EIF3M: variants seen among roughly 807,000 people sequenced by gnomAD.
EIF3M encodes the protein eukaryotic translation initiation factor 3 subunit M, also known as B5 receptor.
In EIF3M, 25 loss-of-function variants were observed where a neutral mutation model predicts 49.7. That is an observed-to-expected ratio of 0.50 (90% CI 0.37 to 0.70). The LOEUF is 0.70. EIF3M is among the 30% of genes least tolerant of loss of function. EIF3M has a pLI of 0.00. For missense variants in EIF3M, 350 were observed against 440.0 expected (o/e 0.80, Z 1.83); for synonymous variants, 156 against 149.8 (o/e 1.04, Z -0.30).
intron 9 of EIF3M, 44 bp downstream of exon 9, chr11:32,600,876 TCTA>T (rs1208097635): frequency 2.4e-5 from 38 of 1,558,778 alleles, no homozygotes; most frequent in Non-Finnish European, 3.3e-5. Flanking sequence ...GAATTTCTCA[TCTA>T]CTACATGGAT....
In EIF3M at chr11:32,589,564, T is replaced by C. The variant is rs1029261495; in HGVS notation, c.456T>C (p.Ser152=). Residue 152 remains serine, a synonymous_variant, in exon 5 of 11, where the codon TCT becomes TCC. Coordinates refer to ENST00000531120, the MANE Select transcript of EIF3M (RefSeq NM_006360.6). The stretch of plus-strand genomic sequence containing the variant: ...TCTTGTAGGTTAGAAAATGGATTTC[T>C]GACTGGAATCTCACCACTGAAAAAA... ...TELDQVRKWI[S]DWNLTTEKKH... is the part of the protein sequence containing the mutation. 6.2e-7 allele frequency: 1 copy of C among 1,614,194 alleles called. No homozygotes were observed. Among genetic ancestry groups the C allele is most frequent in the African/African-American group, 1.3e-5 (1 of 75,078 alleles).
chr11:32,598,355 T>C (rs903379930), intron 8 of EIF3M, among the ~76,000 whole-genome samples: 4 of 152,204 alleles, frequency 2.6e-5, no homozygotes, highest in Admixed American at 6.5e-5. Context: ...TTTTGACATA[T>C]TAGTAATGAA....
At chr11:32,586,787 C>T (rs969894528) in intron 1 of EIF3M, 1 of 369,684 alleles carries the variant, frequency 2.7e-6, no homozygotes, top group Non-Finnish European at 4.8e-6. Context: ...TGAAGGTGAT[C>T]CATGGGGGCT....
intron 5 of EIF3M, 120 bp from the exon 6 acceptor site, chr11:32,593,746 A>G: frequency 3.6e-6 from 2 of 560,898 alleles, no homozygotes; most frequent in Non-Finnish European, 5.6e-6. Context: ...ATAGACAGGG[A>G]CTTTGTCTCT....
intron 1 of EIF3M, among the ~76,000 whole-genome samples, chr11:32,585,833 T>C (rs1036305145): frequency 9.7e-6 from 1 of 102,962 alleles, no homozygotes; most frequent in Non-Finnish European, 2.0e-5. Context: ...AAAATCTTGA[T>C]GGCTTTGAAT....
intron 5 of EIF3M, chr11:32,592,361 C>T: frequency 1.8e-6 from 1 of 552,684 alleles, no homozygotes; most frequent in South Asian, 1.4e-5. Flanking sequence ...CTCTGCCAGT[C>T]CTCCTGTAAC....
chr11:32,586,236 T>TC (rs1854995467), intron 1 of EIF3M, among the ~76,000 whole-genome samples: 1 of 151,098 alleles, frequency 6.6e-6, no homozygotes, highest in South Asian at 2.1e-4. Flanking sequence ...AGAGTGAAAC[T>TC]CCATCTCAAA....
intron 8 of EIF3M, among the ~76,000 whole-genome samples, chr11:32,598,301 C>T (rs1311703247): frequency 1.3e-5 from 2 of 152,146 alleles, no homozygotes; most frequent in Admixed American, 1.3e-4. Flanking sequence ...AGTGACAATG[C>T]AGAAATTGCT....
intron 8 of EIF3M, among the ~76,000 whole-genome samples, chr11:32,596,365 G>A (rs1454956282): frequency 6.6e-6 from 1 of 152,138 alleles, no homozygotes; most frequent in Non-Finnish European, 1.5e-5. Context: ...GCCGAGGCGG[G>A]CGGATCACGA....
At chr11:32,599,349 G>T (rs1205967072) in intron 8 of EIF3M, among the ~76,000 whole-genome samples, 1 of 151,922 alleles carries the variant, frequency 6.6e-6, no homozygotes, top group Non-Finnish European at 1.5e-5. Flanking sequence ...ATACTTCCTT[G>T]TATACCTCAT....
At position 32,594,905 on chromosome 11, in the gene EIF3M, C is replaced by T; in HGVS notation, c.618-9C>T. 6.2e-7 allele frequency: 1 copy of T among 1,600,440 alleles called. No homozygotes were observed. Among genetic ancestry groups the T allele is most frequent in the Non-Finnish European group, 8.5e-7 (1 of 1,175,272 alleles). The stretch of plus-strand genomic sequence containing the variant: ...AACCCTGAGCTTACATTTTTGTTCT[C>T]TAATTAAGGTGTATTGTACGAGCAT... On this transcript the variant is annotated splice_polypyrimidine_tract_variant and intron_variant, in intron 6 of 10. Coordinates refer to ENST00000531120, the MANE Select transcript of EIF3M (RefSeq NM_006360.6).
At chr11:32,602,035 G>T (rs1187366314) in intron 10 of EIF3M, 5 of 834,608 alleles carry the variant, frequency 6.0e-6, no homozygotes, top group Non-Finnish European at 9.5e-6. Context: ...TAATGGCTGA[G>T]CATTGGCTAG....
At chr11:32,594,194 A>T in intron 6 of EIF3M, 1 of 316,152 alleles carries the variant, frequency 3.2e-6, no homozygotes, top group Non-Finnish European at 5.7e-6. Context: ...TGGTATGGGG[A>T]TGATGATCCC....
At chr11:32,601,577 A>G (rs1342287031) in intron 9 of EIF3M, 185 bp from the exon 10 acceptor site, 2 of 498,624 alleles carry the variant, frequency 4.0e-6, no homozygotes, top group African/African-American at 3.9e-5. Flanking sequence ...CAGCAGCCAT[A>G]GGACAAATGC....
In EIF3M at chr11:32,589,640, A is replaced by T. The variant is rs1425131666; in HGVS notation, c.532A>T (p.Ser178Cys). The T allele has an allele frequency of 1.2e-6, 2 of 1,613,546 alleles. No homozygotes were observed. The highest frequency in any genetic ancestry group is 8.5e-7 in the Non-Finnish European group (1 of 1,179,698). The part of the protein sequence containing the change: ...LYEALVDCKK[S>C]DAASKVMVEL... ...TGAGGCACTTGTGGATTGTAAGAAG[A>T]GGTATTCAAAAGTAATGAACTAACA... is the stretch of plus-strand genomic sequence containing the variant. Residue 178 changes from serine to cysteine, a missense_variant and splice_region_variant, in exon 5 of 11, where the codon AGT becomes TGT. Ser to Cys is a moderately radical substitution (Grantham distance 112, BLOSUM62 -1). Transcript: ENST00000531120.
At chr11:32,600,610 A>G (rs563006123) in intron 8 of EIF3M, 79 bp from the exon 9 acceptor site, 1 of 1,378,780 alleles carries the variant, frequency 7.3e-7, no homozygotes, top group African/African-American at 1.5e-5. Flanking sequence ...AATAATTTCC[A>G]CAGCTTAACA....
rs1855237955 is a variant in EIF3M, at chr11:32,600,103, G to T, written c.800-586G>T. On this transcript the variant is annotated intron_variant, in intron 8 of 10. Coordinates refer to ENST00000531120, the MANE Select transcript of EIF3M (RefSeq NM_006360.6). ...CTGTATTGGCCTATAAATGTTAAAT[G>T]ACACACACACTTTGACAGTTTTGGT... 2.0e-5 allele frequency among the ~76,000 whole-genome samples: 3 copies of T among 151,774 alleles called. No individual in the cohort carries two copies. The South Asian group carries it at 6.2e-4, about 31-fold the overall frequency.
At position 32,583,870 on chromosome 11, in the gene EIF3M, T is replaced by G; in HGVS notation, c.-18T>G. 2.5e-6 allele frequency: 4 copies of G among 1,611,900 alleles called. No homozygotes were observed. Among genetic ancestry groups the G allele is most frequent in the Non-Finnish European group, 3.4e-6 (4 of 1,178,556 alleles). ...GTGGTCTTGCGAGTGGAGTGTCCGCTGTGCCCGGGCCTGCACCATGAGCGT... is the reference window on the plus strand; with the variant it reads ...GTGGTCTTGCGAGTGGAGTGTCCGCGGTGCCCGGGCCTGCACCATGAGCGT... On this transcript the variant is annotated 5_prime_UTR_variant, in exon 1 of 11. Transcript: ENST00000531120.
intron 3 of EIF3M, 22 bp from the exon 4 acceptor site, chr11:32,588,990 T>A (rs1400413667): frequency 1.9e-6 from 3 of 1,611,188 alleles, no homozygotes; most frequent in Non-Finnish European, 2.5e-6. Context: ...AAACATTGTT[T>A]ATTTGTTTGT....
Sources: gnomAD v4.1 joint callset for allele counts (sites outside exome capture counted in the v4.1 genomes callset) on GRCh38, gnomAD v4.1.1 for gene constraint, MANE v1.5 for transcripts, NCBI Gene and HGNC (gene_info 2026-07-23, HGNC 2026-07-21) for gene names.